ROBO2: variants seen among roughly 807,000 people sequenced by gnomAD.
ROBO2 encodes roundabout guidance receptor 2.
Under a neutral mutation model 160.8 loss-of-function variants are expected in ROBO2, and 53 were observed. That is an observed-to-expected ratio of 0.33 (90% CI 0.26 to 0.41). The LOEUF is 0.41. ROBO2 is among the 10% of genes least tolerant of loss of function. The probability of loss-of-function intolerance (pLI) is 1.00; values close to 1 mark genes in which losing one functional copy is unlikely to be tolerated. For synonymous variants in ROBO2, 664 were observed against 611.7 expected (o/e 1.09, Z -1.26); for missense variants, 1,577 against 1,722.4 (o/e 0.92, Z 1.49).
At chr3:77,211,921 T>C (rs933176099) in intron 2 of ROBO2, among the ~76,000 whole-genome samples, 3 of 152,196 alleles carry the variant, frequency 2.0e-5, no homozygotes, top group Non-Finnish European at 2.9e-5. Flanking sequence ...TCTGTTCTGT[T>C]CCATTGGTCT....
At chr3:77,477,986 C>G (rs1326367120) in intron 3 of ROBO2, among the ~76,000 whole-genome samples, 1 of 151,830 alleles carries the variant, frequency 6.6e-6, no homozygotes, top group East Asian at 1.9e-4. Context: ...GCCACCACGC[C>G]CAGCTATTTT....
chr3:77,126,303 A>C (rs993530833), intron 2 of ROBO2, among the ~76,000 whole-genome samples: 2 of 152,166 alleles, frequency 1.3e-5, no homozygotes, highest in Admixed American at 6.5e-5. Flanking sequence ...ATTAAATAGA[A>C]GTTCGAATTG....
At chr3:76,982,604 T>G (rs2149333316) in intron 2 of ROBO2, among the ~76,000 whole-genome samples, 1 of 152,354 alleles carries the variant, frequency 6.6e-6, no homozygotes, top group East Asian at 1.9e-4. Context: ...ACAGTTTTGC[T>G]AAATAAGTAC....
chr3:77,301,712 G>A (rs2062673207), intron 2 of ROBO2, among the ~76,000 whole-genome samples: 2 of 152,076 alleles, frequency 1.3e-5, no homozygotes, highest in African/African-American at 4.8e-5. Context: ...TAGTTAAAAT[G>A]ATACCTTCTT....
exon 15 of ROBO2, chr3:77,577,518 T>C (rs749420224): frequency 6.2e-7 from 1 of 1,613,390 alleles, no homozygotes; most frequent in Non-Finnish European, 8.5e-7. Context: ...AGTCTGTCAC[T>C]GTACTGACAG....
chr3:77,012,590 C>T (rs541071632), intron 2 of ROBO2, among the ~76,000 whole-genome samples: 11 of 152,236 alleles, frequency 7.2e-5, no homozygotes, highest in East Asian at 1.9e-4. Context: ...GGGTAAGTTA[C>T]ATGGATGGAT....
At chr3:76,790,200 G>A (rs17816470) in intron 2 of ROBO2, among the ~76,000 whole-genome samples, 79,425 of 151,318 alleles carry the variant, frequency 0.52, 22,698 homozygotes, top group African/African-American at 0.77. Flanking sequence ...GCTCCTAAAG[G>A]TAGAGTTTCC....
chr3:76,412,140 A>C (rs1193635685), intron 2 of ROBO2, among the ~76,000 whole-genome samples: 1 of 152,152 alleles, frequency 6.6e-6, no homozygotes, highest in Non-Finnish European at 1.5e-5. Flanking sequence ...AGCAGAAACC[A>C]CTGATAAACC....
exon 26 of ROBO2, chr3:77,646,200 C>T (rs1378006811): frequency 4.0e-6 from 2 of 498,886 alleles, no homozygotes; most frequent in Admixed American, 7.5e-5. Flanking sequence ...CACAGCCACA[C>T]ATATCCCACA....
chr3:76,122,834 TTGTC>T (rs1453484512), intron 2 of ROBO2, among the ~76,000 whole-genome samples: 1 of 152,200 alleles, frequency 6.6e-6, no homozygotes, highest in Non-Finnish European at 1.5e-5. Context: ...CCTTCTTCAA[TTGTC>T]TGATGTTTTG....
intron 2 of ROBO2, among the ~76,000 whole-genome samples, chr3:77,324,798 A>G (rs2065213106): frequency 2.0e-5 from 3 of 151,780 alleles, no homozygotes; most frequent in Admixed American, 6.6e-5. Flanking sequence ...AAAAAAAAAA[A>G]AAAAAAGCTA....
intron 2 of ROBO2, among the ~76,000 whole-genome samples, chr3:76,443,204 G>A (rs1026390502): frequency 1.2e-4 from 19 of 152,116 alleles, no homozygotes; most frequent in Non-Finnish European, 2.4e-4. Flanking sequence ...CTCATTACCT[G>A]CAAGACAGCA....
chr3:77,599,680 C>CA (rs558078112), intron 19 of ROBO2, among the ~76,000 whole-genome samples: 1,774 of 150,246 alleles, frequency 0.012, 32 homozygotes, highest in African/African-American at 0.041. Flanking sequence ...TAAAATTTGG[C>CA]AAAAAAAAGA....
rs184986380 is a variant in ROBO2 at position 76,957,787 on chromosome 3, C to T, written c.110-140227C>T. Among the ~76,000 whole-genome samples the T allele has an allele frequency of 3.9e-3, 588 of 151,318 alleles. 6 individuals are homozygous for T. The highest frequency in any genetic ancestry group is 0.013 in the African/African-American group (551 of 41,238). On this transcript the variant is annotated intron_variant, in intron 2 of 26. Transcript: ENST00000487694. Reference sequence around the variant, plus strand: ...CAGAGGTTGCAGTGAGCCAAGACTGCGCCACTGCACTCCAGCCTGGGCTAC... The same window carrying T: ...CAGAGGTTGCAGTGAGCCAAGACTGTGCCACTGCACTCCAGCCTGGGCTAC...
chr3:77,098,418 G>C, intron 2 of ROBO2, 78 bp downstream of exon 2: 1 of 1,404,218 alleles, frequency 7.1e-7, no homozygotes, highest in Non-Finnish European at 1.0e-6. Flanking sequence ...TCCCATAGAC[G>C]CTGAAACCTA....
chr3:77,002,563 T>G (rs2061386267), intron 2 of ROBO2, among the ~76,000 whole-genome samples: 1 of 151,962 alleles, frequency 6.6e-6, no homozygotes, highest in South Asian at 2.1e-4. Flanking sequence ...ACTTATAGTT[T>G]AGTATTAAAA....
rs2073527547 is a variant in ROBO2 at position 77,381,927 on chromosome 3, G to A, written c.389-95487G>A. On this transcript the variant is annotated intron_variant, in intron 2 of 25. Coordinates refer to ENST00000461745, the Ensembl canonical transcript of ROBO2. ...GGCTATGTGAAACTTGATGCCAATT[G>A]ACATGAAATCTATTTTTCTGAAGAG... is the stretch of plus-strand genomic sequence containing the variant. 2.6e-5 allele frequency among the ~76,000 whole-genome samples: 4 copies of A among 152,112 alleles called. No individual in the cohort carries two copies. The South Asian group carries it at 8.3e-4, about 31-fold the overall frequency.
chr3:77,427,404 A>G (rs1581852643), intron 2 of ROBO2, among the ~76,000 whole-genome samples: 1 of 152,358 alleles, frequency 6.6e-6, no homozygotes, highest in East Asian at 1.9e-4. Context: ...TCTATTTTAT[A>G]ACTGAAGAAA....
At chr3:77,334,640 G>A (rs559632232) in intron 2 of ROBO2, among the ~76,000 whole-genome samples, 15 of 152,148 alleles carry the variant, frequency 9.9e-5, no homozygotes, top group Non-Finnish European at 2.1e-4. Context: ...TTCCTGGCAG[G>A]AGCAGAGGCA....
Sources: gnomAD v4.1 joint callset for allele counts (sites outside exome capture counted in the v4.1 genomes callset) on GRCh38, gnomAD v4.1.1 for gene constraint, MANE v1.5 for transcripts, NCBI Gene and HGNC (gene_info 2026-07-23, HGNC 2026-07-21) for gene names.